The following SLC35F4 variants were observed in gnomAD, a reference collection of about 807,000 sequenced individuals.
SLC35F4 encodes chromosome 14 open reading frame 36.
Under a neutral mutation model 44.2 loss-of-function variants are expected in SLC35F4, and 24 were observed. The ratio of observed to expected loss-of-function variants is 0.54; its 90% CI spans 0.39 to 0.76. SLC35F4 has a LOEUF of 0.76. Among genes scored for constraint, SLC35F4 ranks in the 30% least tolerant of loss-of-function variants. The pLI, the probability that SLC35F4 is intolerant of heterozygous loss-of-function variation, is 0.00. For synonymous variants in SLC35F4, 238 were observed against 223.6 expected (o/e 1.06, Z -0.57); for missense variants, 562 against 586.1 (o/e 0.96, Z 0.42).
chr14:57,590,776 G>A (rs1324541898), intron 2 of SLC35F4, among the ~76,000 whole-genome samples: 1 of 152,176 alleles, frequency 6.6e-6, no homozygotes, highest in Non-Finnish European at 1.5e-5. Context: ...GGCCTATGCT[G>A]AGGGTTAAAG....
At position 57,853,131 on chromosome 14, in the gene SLC35F4, C is replaced by G. The variant is rs1886739241; in HGVS notation, c.103+12592G>C. Reference sequence around the variant, plus strand: ...TAGAAAAAGAAATACGTTTTCCAAACTTGATGTAACCAGTGGCACTTCAAT... The same window carrying G: ...TAGAAAAAGAAATACGTTTTCCAAAGTTGATGTAACCAGTGGCACTTCAAT... On this transcript the variant is annotated intron_variant, in intron 1 of 7. Coordinates refer to ENST00000556826, the MANE Select transcript of SLC35F4 (RefSeq NM_001306087.2). Among the ~76,000 whole-genome samples, 3 of 152,166 alleles carry G rather than the reference C, an allele frequency of 2.0e-5. No individual in the cohort carries two copies. In the South Asian group the frequency reaches 6.2e-4, roughly 32 times the overall value.
chr14:57,600,647 C>T (rs576029632), intron 1 of SLC35F4, among the ~76,000 whole-genome samples: 37 of 127,890 alleles, frequency 2.9e-4, no homozygotes, highest in African/African-American at 1.0e-3. Context: ...AGCCGAGATC[C>T]CGCCACTGCA....
intron 1 of SLC35F4, among the ~76,000 whole-genome samples, chr14:57,825,793 A>G (rs979978696): frequency 1.3e-5 from 2 of 152,178 alleles, no homozygotes; most frequent in Non-Finnish European, 2.9e-5. Flanking sequence ...TAAAATACCT[A>G]AGAATACAGA....
At chr14:57,963,883 C>T (rs569760250) in intron 1 of SLC35F4, among the ~76,000 whole-genome samples, 19 of 151,876 alleles carry the variant, frequency 1.3e-4, no homozygotes, top group Middle Eastern at 3.4e-3. Context: ...TCACCATGCT[C>T]GGCTAATTTT....
intron 1 of SLC35F4, among the ~76,000 whole-genome samples, chr14:57,692,700 T>C (rs2075270519): frequency 6.6e-6 from 1 of 152,162 alleles, no homozygotes. Flanking sequence ...ATTCTCATGT[T>C]AATCTGTAGT....
rs116371729 is a variant in SLC35F4, at chr14:57,835,600, T to C, written c.103+30123A>G. Among the ~76,000 whole-genome samples, 1,169 of 152,330 alleles carry C rather than the reference T, an allele frequency of 7.7e-3. 16 individuals carry two copies. Among genetic ancestry groups the C allele is most frequent in the African/African-American group, 0.027 (1,104 of 41,578 alleles). On this transcript the variant is annotated intron_variant, in intron 1 of 7. Transcript: ENST00000556826. ...AGGAGCAAAAGGACTCTATAACATT[T>C]CTGTCATGTAATTACTGAGGACTCA...
intron 1 of SLC35F4, among the ~76,000 whole-genome samples, chr14:57,925,443 G>A (rs568734850): frequency 7.1e-6 from 1 of 141,694 alleles, no homozygotes; most frequent in African/African-American, 2.6e-5. Context: ...CCGAGATTAG[G>A]CAAGAACAGA....
intron 1 of SLC35F4, among the ~76,000 whole-genome samples, chr14:57,799,182 G>A (rs2140844965): frequency 6.6e-6 from 1 of 152,298 alleles, no homozygotes; most frequent in Non-Finnish European, 1.5e-5. Context: ...ACGGAGCAAC[G>A]TCCCTAGGAG....
intron 1 of SLC35F4, among the ~76,000 whole-genome samples, chr14:57,943,090 A>G (rs933606887): frequency 2.0e-5 from 3 of 152,216 alleles, no homozygotes; most frequent in Admixed American, 1.3e-4. Context: ...CCCTAGAAAC[A>G]TCAGGAAACC....
intron 1 of SLC35F4, among the ~76,000 whole-genome samples, chr14:57,642,598 C>CT (rs2073303071): frequency 6.6e-6 from 1 of 151,652 alleles, no homozygotes; most frequent in Admixed American, 6.6e-5. Context: ...GAACTGTTTA[C>CT]TTTTTTTGAT....
At position 57,593,998 on chromosome 14, in the gene SLC35F4, A is replaced by C; in HGVS notation, c.230T>G (p.Leu77Arg). The change falls in exon 2 of 8, where the codon CTT becomes CGT. Residue 77 changes from leucine to arginine, a missense_variant. By Grantham distance (102) the Leu-to-Arg change is moderately radical. Transcript: ENST00000556826. Reference sequence around the variant, plus strand: ...AACTCCTGAGGATCCTTGGTTTTGAAGTTCAAGAATAGGAGCAGAGGAATC... The same window carrying C: ...AACTCCTGAGGATCCTTGGTTTTGACGTTCAAGAATAGGAGCAGAGGAATC... Reference protein sequence around the residue: ...TEDSSAPILELQNQGSSGVCG... With the variant: ...TEDSSAPILERQNQGSSGVCG... 6.2e-7 allele frequency: 1 copy of C among 1,613,884 alleles called. No homozygotes were observed. Among genetic ancestry groups the C allele is most frequent in the Non-Finnish European group, 8.5e-7 (1 of 1,179,860 alleles).
intron 1 of SLC35F4, among the ~76,000 whole-genome samples, chr14:57,729,349 G>C (rs1214436083): frequency 6.6e-6 from 1 of 152,150 alleles, no homozygotes; most frequent in Admixed American, 6.6e-5. Flanking sequence ...AAATGTGCTG[G>C]ATAACCCCTG....
At chr14:57,740,793 GC>G (rs2076586712) in intron 1 of SLC35F4, among the ~76,000 whole-genome samples, 1 of 152,170 alleles carries the variant, frequency 6.6e-6, no homozygotes, top group African/African-American at 2.4e-5. Context: ...CAATAAAAAT[GC>G]TTTTAAAAGA....
chr14:57,607,334 C>T (rs1614942), intron 1 of SLC35F4, among the ~76,000 whole-genome samples: 104,004 of 151,686 alleles, frequency 0.69, 36,286 homozygotes, highest in Non-Finnish European at 0.75. Flanking sequence ...CAGGAACTGG[C>T]AGAGACAGCT....
At chr14:57,851,030 A>G (rs994629440) in intron 1 of SLC35F4, among the ~76,000 whole-genome samples, 3 of 152,184 alleles carry the variant, frequency 2.0e-5, no homozygotes, top group Admixed American at 1.3e-4. Flanking sequence ...TTCATTTGCT[A>G]TCTCATATCC....
chr14:57,564,051 C>G lies in SLC35F4; in HGVS notation c.*84G>C. On this transcript the variant is annotated 3_prime_UTR_variant, in exon 8 of 8. Transcript: ENST00000556826. ...GATTTATCCAAATTCAGAGTTAATA[C>G]TGTCGTTTGAGTGTACAGGTAGTGA... 6.8e-7 allele frequency: 1 copy of G among 1,466,498 alleles called. No homozygotes were observed. The highest frequency in any genetic ancestry group is 2.3e-5 in the East Asian group (1 of 43,160). The allele number at this position is 1,466,498 out of a possible 1,614,324, so 90.8% of individuals were successfully genotyped here.
intron 1 of SLC35F4, among the ~76,000 whole-genome samples, chr14:57,623,002 A>G (rs936277554): frequency 2.0e-5 from 3 of 152,124 alleles, no homozygotes; most frequent in African/African-American, 7.2e-5. Context: ...GCCCCAGTTA[A>G]AAGACACAGA....
At chr14:57,930,547 C>T (rs957581170) in intron 1 of SLC35F4, among the ~76,000 whole-genome samples, 2 of 152,132 alleles carry the variant, frequency 1.3e-5, no homozygotes, top group Admixed American at 1.3e-4. Flanking sequence ...CTCTAAGGTG[C>T]CGTAAGAGGG....
chr14:57,715,163 A>AG (rs1594865701), intron 1 of SLC35F4, among the ~76,000 whole-genome samples: 2 of 152,100 alleles, frequency 1.3e-5, no homozygotes, highest in African/African-American at 4.8e-5. Context: ...GCAGGGTTAT[A>AG]GGGGGAAAAA....
Sources: allele counts gnomAD v4.1 joint callset (sites outside exome capture counted in the v4.1 genomes callset), GRCh38; gene constraint gnomAD v4.1.1; transcripts MANE v1.5; gene names NCBI Gene and HGNC (gene_info 2026-07-23, HGNC 2026-07-21).